The following NPAS2 variants were observed in gnomAD, a reference collection of about 807,000 sequenced individuals.
NPAS2 encodes the protein neuronal PAS domain protein 2, also known as neuronal PAS domain-containing protein 2.
NPAS2 carries 23 observed loss-of-function variants against 107.5 expected under a neutral mutation model. The ratio of observed to expected loss-of-function variants is 0.21; its 90% CI spans 0.15 to 0.30. NPAS2 has a LOEUF of 0.30. Among genes scored for constraint, NPAS2 ranks in the 10% least tolerant of loss-of-function variants. The pLI, the probability that NPAS2 is intolerant of heterozygous loss-of-function variation, is 1.00. For missense variants in NPAS2, 756 were observed against 1,043.3 expected, an observed-to-expected ratio of 0.72 and a Z score of 3.79; for synonymous variants, 403 against 417.5, an observed-to-expected ratio of 0.97 and a Z score of 0.42.
At chr2:100,860,856 G>GT (rs917515668) in intron 1 of NPAS2, among the ~76,000 whole-genome samples, 76 of 151,008 alleles carry the variant, frequency 5.0e-4, no homozygotes, top group Admixed American at 1.6e-3. Flanking sequence ...ACTTAGCATG[G>GT]TTTTTTTTTA....
intron 5 of NPAS2, among the ~76,000 whole-genome samples, chr2:100,946,716 T>C (rs900988099): frequency 4.6e-5 from 7 of 152,148 alleles, no homozygotes; most frequent in Admixed American, 2.0e-4. Context: ...CTAAAGTGGA[T>C]GTGGGAAGAC....
intron 15 of NPAS2, among the ~76,000 whole-genome samples, chr2:100,979,502 A>ATTTT (rs757799235): frequency 7.2e-4 from 31 of 43,332 alleles, no homozygotes; most frequent in Non-Finnish European, 1.0e-3. Context: ...ATATATATAT[A>ATTTT]TTTTTTTTTT....
rs1676017781 is a variant in NPAS2 at position 100,820,615 on chromosome 2, G to A, written c.-23+201G>A. On this transcript the variant is annotated intron_variant, in intron 1 of 20. Coordinates refer to ENST00000335681, the MANE Select transcript of NPAS2 (RefSeq NM_002518.4). This position sits in a 1 kb window ranked among gnomAD's most constrained non-coding sequence, Gnocchi z 5.6. ...TTCCCCTCCACAGTCAGGCCGCTGG[G>A]GGCTTCGCGTCCTGCAGGAGGTAGC... 6.6e-6 allele frequency among the ~76,000 whole-genome samples: 1 copy of A among 152,078 alleles called. No individual in the cohort carries two copies. Among genetic ancestry groups the A allele is most frequent in the Admixed American group, 6.5e-5 (1 of 15,286 alleles).
chr2:100,978,905 G>A (rs1268437577), intron 15 of NPAS2, among the ~76,000 whole-genome samples: 10 of 152,176 alleles, frequency 6.6e-5, no homozygotes, highest in South Asian at 2.1e-4. Context: ...TTCTGAACAC[G>A]GGGAGTGACA....
intron 1 of NPAS2, among the ~76,000 whole-genome samples, chr2:100,858,828 C>T (rs1015475219): frequency 2.6e-5 from 4 of 152,080 alleles, no homozygotes; most frequent in African/African-American, 7.2e-5. Context: ...GTGCACGCCC[C>T]GTCCTGTTTA....
intron 1 of NPAS2, chr2:100,901,502 A>G (rs1001270937): frequency 1.0e-6 from 1 of 985,112 alleles, no homozygotes; most frequent in African/African-American, 1.7e-5. Flanking sequence ...CCCCAGAGAG[A>G]TGAATGTTAC....
At chr2:100,877,691 T>G (rs1212906366) in intron 1 of NPAS2, among the ~76,000 whole-genome samples, 1 of 152,102 alleles carries the variant, frequency 6.6e-6, no homozygotes, top group Non-Finnish European at 1.5e-5. Context: ...TTCTGATATG[T>G]TTTTGCACCC....
intron 1 of NPAS2, among the ~76,000 whole-genome samples, chr2:100,875,461 T>TACACACACACACACACACAC (rs56331462): frequency 2.8e-5 from 4 of 143,568 alleles, no homozygotes; most frequent in African/African-American, 7.8e-5. Context: ...ATTAAAAGCT[T>TACACACACACACACACACAC]ACACACACAC....
chr2:100,922,139 G>C (rs1206710490), intron 2 of NPAS2, among the ~76,000 whole-genome samples: 1 of 152,154 alleles, frequency 6.6e-6, no homozygotes, highest in Non-Finnish European at 1.5e-5. Context: ...GCTGGGGGTG[G>C]GCGGATCAAT....
chr2:100,933,712 T>C (rs1684128189), intron 4 of NPAS2, among the ~76,000 whole-genome samples: 1 of 152,166 alleles, frequency 6.6e-6, no homozygotes, highest in Non-Finnish European at 1.5e-5. Flanking sequence ...CAGAAACAAC[T>C]GCCAACGTGC....
At chr2:100,982,134 A>G in intron 15 of NPAS2, 97 bp from the exon 16 acceptor site, 1 of 1,415,910 alleles carries the variant, frequency 7.1e-7, no homozygotes, top group Admixed American at 1.9e-5. Flanking sequence ...CGGCTAAGGG[A>G]CGGAAATGAA....
chr2:100,832,146 G>T (rs1382911019), intron 1 of NPAS2, among the ~76,000 whole-genome samples: 1 of 152,148 alleles, frequency 6.6e-6, no homozygotes, highest in Non-Finnish European at 1.5e-5. Flanking sequence ...TGCACCTCAT[G>T]TAGGGTAGGC....
intron 1 of NPAS2, among the ~76,000 whole-genome samples, chr2:100,867,586 A>G (rs1188834115): frequency 2.0e-5 from 3 of 152,144 alleles, no homozygotes; most frequent in Non-Finnish European, 4.4e-5. Context: ...TTTAGATTTC[A>G]GATGTGTTTC....
intron 1 of NPAS2, among the ~76,000 whole-genome samples, chr2:100,863,521 A>G (rs1272787209): frequency 6.6e-6 from 1 of 152,196 alleles, no homozygotes; most frequent in Admixed American, 6.5e-5. Flanking sequence ...TTTTTTCAAC[A>G]TCCTAGAGGG....
At chr2:100,940,997 G>A (rs2104997687) in intron 5 of NPAS2, among the ~76,000 whole-genome samples, 1 of 152,296 alleles carries the variant, frequency 6.6e-6, no homozygotes, top group East Asian at 1.9e-4. Context: ...AGCACAGGCT[G>A]GCCTGCTGGG....
intron 4 of NPAS2, chr2:100,935,075 A>G (rs1328170541): frequency 5.1e-6 from 5 of 982,458 alleles, no homozygotes; most frequent in Non-Finnish European, 6.0e-6. Flanking sequence ...GTTTGAAAAA[A>G]CAAAATTGAC....
At position 100,981,076 on chromosome 2, in the gene NPAS2, C is replaced by T. The variant is rs1352967377; in HGVS notation, c.1483-1155C>T. Among the ~76,000 whole-genome samples the T allele has an allele frequency of 3.5e-4, 53 of 152,170 alleles. 3 individuals are homozygous for T. The highest frequency in any genetic ancestry group is 3.5e-3 in the Admixed American group (53 of 15,280). On this transcript the variant is annotated intron_variant, in intron 15 of 20. Coordinates refer to ENST00000335681, the MANE Select transcript of NPAS2 (RefSeq NM_002518.4). ...CACATGTCAGCACCTGCTATTCTTA[C>T]TCTTACTGGTTCTTTTTATTATTAT...
In NPAS2 at chr2:100,995,573, G is replaced by A. The variant is rs567399396; in HGVS notation, c.2466G>A (p.Pro822=). ...CTGAGTCGTCAGGCCTCCAGCAGCC[G>A]CCCCGATAATGCCCCGGCACTGAAG... ...SLSESSGLQQ[P]PR is the part of the protein sequence containing the mutation. The change falls in exon 21 of 21, where the codon CCG becomes CCA. Residue 822 remains proline, a synonymous_variant. Transcript: ENST00000335681. 4.9e-5 allele frequency: 79 copies of A among 1,604,234 alleles called. 1 individual carries two copies. The South Asian group carries it at 6.8e-4, about 14-fold the overall frequency.
chr2:100,857,169 G>T (rs1174760703), intron 1 of NPAS2, among the ~76,000 whole-genome samples: 1 of 152,034 alleles, frequency 6.6e-6, no homozygotes, highest in African/African-American at 2.4e-5. Flanking sequence ...AGCCAGGCGG[G>T]CGCCTATAAT....
Sources: gnomAD v4.1 joint callset for allele counts (sites outside exome capture counted in the v4.1 genomes callset) on GRCh38, gnomAD v4.1.1 for gene constraint, Gnocchi (gnomAD v3.1) non-coding constraint, MANE v1.5 for transcripts, NCBI Gene and HGNC (gene_info 2026-07-23, HGNC 2026-07-21) for gene names.